CIB4: variants seen among roughly 807,000 people sequenced by gnomAD.
CIB4 encodes calcium and integrin-binding family member 4.
A neutral mutation model predicts 25.8 loss-of-function variants in CIB4; 25 were observed. That is an observed-to-expected ratio of 0.97 (90% CI 0.71 to 1.35). The LOEUF (loss-of-function observed/expected upper bound fraction) is 1.35, where lower values mean the gene tolerates loss of function less well. Ranked by LOEUF, CIB4 falls within the 40% of genes most tolerant of loss-of-function variation. The pLI is 0.00. For synonymous variants in CIB4, 75 were observed against 81.4 expected (o/e 0.92, Z 0.42); for missense variants, 235 against 228.2 (o/e 1.03, Z -0.19).
chr2:26,637,140 G>A (rs1158525039), intron 2 of CIB4, among the ~76,000 whole-genome samples: 1 of 152,162 alleles, frequency 6.6e-6, no homozygotes, highest in African/African-American at 2.4e-5. Context: ...CTGGGGCAGG[G>A]CAGGGGTGCC....
rs1162322198 is a variant in CIB4 at position 26,610,280 on chromosome 2, A to G, written c.187-14963T>C. 2.0e-5 allele frequency among the ~76,000 whole-genome samples: 3 copies of G among 152,298 alleles called. No individual in the cohort carries two copies. The East Asian group carries it at 5.8e-4, about 29-fold the overall frequency. On this transcript the variant is annotated intron_variant, in intron 3 of 6. Transcript: ENST00000288861. ...TTTTATCAAACACATCTAAGCAACA[A>G]TTGATCTATTTTGTCCCTCACTTTG...
chr2:26,640,087 C>A (rs1340664537), intron 2 of CIB4, among the ~76,000 whole-genome samples: 2 of 148,430 alleles, frequency 1.3e-5, no homozygotes, highest in African/African-American at 5.0e-5. Flanking sequence ...ACATCACAGG[C>A]ACCGGAGAAA....
At chr2:26,600,397 C>G (rs938925931) in intron 3 of CIB4, among the ~76,000 whole-genome samples, 5 of 152,112 alleles carry the variant, frequency 3.3e-5, no homozygotes, top group African/African-American at 1.2e-4. Flanking sequence ...GAGCAAGACT[C>G]TGACTCAAAA....
At chr2:26,606,457 G>A (rs1465986038) in intron 3 of CIB4, among the ~76,000 whole-genome samples, 1 of 152,146 alleles carries the variant, frequency 6.6e-6, no homozygotes, top group East Asian at 1.9e-4. Context: ...GCTGTTCAGG[G>A]GAATGAGAAA....
At chr2:26,637,249 G>T (rs1257050153) in intron 2 of CIB4, among the ~76,000 whole-genome samples, 1 of 152,108 alleles carries the variant, frequency 6.6e-6, no homozygotes, top group African/African-American at 2.4e-5. Flanking sequence ...GCATTTGGAG[G>T]TTCCTGAGCC....
intron 3 of CIB4, among the ~76,000 whole-genome samples, chr2:26,607,416 G>A (rs756001155): frequency 2.2e-4 from 33 of 152,182 alleles, no homozygotes; most frequent in Non-Finnish European, 4.0e-4. Flanking sequence ...AAACTTACCC[G>A]TATTGTAGAT....
chr2:26,624,974 C>T (rs1342975346), intron 3 of CIB4, among the ~76,000 whole-genome samples: 1 of 152,048 alleles, frequency 6.6e-6, no homozygotes, highest in Non-Finnish European at 1.5e-5. Context: ...CCCCATTCTC[C>T]ACGATGTGCT....
intron 1 of CIB4, 117 bp from the exon 2 acceptor site, chr2:26,640,684 G>T: frequency 9.0e-7 from 1 of 1,113,916 alleles, no homozygotes; most frequent in South Asian, 1.5e-5. Context: ...CTGCACAGCT[G>T]GGGGAACCCC....
chr2:26,597,594 A>C (rs1268114188), intron 3 of CIB4, among the ~76,000 whole-genome samples: 1 of 152,206 alleles, frequency 6.6e-6, no homozygotes, highest in African/African-American at 2.4e-5. Context: ...ATCTTACTAT[A>C]TCCATTAAAG....
chr2:26,587,461 A>G (rs924393859), intron 4 of CIB4, among the ~76,000 whole-genome samples: 2 of 152,126 alleles, frequency 1.3e-5, no homozygotes, highest in African/African-American at 4.8e-5. Context: ...ACCAAATTTA[A>G]TCCTAATTCA....
At chr2:26,625,414 G>A (rs532311776) in intron 3 of CIB4, among the ~76,000 whole-genome samples, 45 of 144,976 alleles carry the variant, frequency 3.1e-4, no homozygotes, top group African/African-American at 1.0e-3. Context: ...GTGCAATGGC[G>A]CAATCTCAGC....
At chr2:26,616,643 C>T (rs1381256874) in intron 3 of CIB4, among the ~76,000 whole-genome samples, 1 of 152,210 alleles carries the variant, frequency 6.6e-6, no homozygotes, top group East Asian at 1.9e-4. Flanking sequence ...CCAAGACAGA[C>T]ACTCCACAGG....
At chr2:26,594,258 G>A (rs147257850) in intron 4 of CIB4, among the ~76,000 whole-genome samples, 4 of 152,282 alleles carry the variant, frequency 2.6e-5, no homozygotes, top group African/African-American at 9.6e-5. Context: ...ATTCTCAGGA[G>A]GGGACTCTGT....
chr2:26,638,560 C>G (rs558883240), intron 2 of CIB4, among the ~76,000 whole-genome samples: 1 of 152,248 alleles, frequency 6.6e-6, no homozygotes, highest in Admixed American at 6.5e-5. Context: ...ATTTGAAGCC[C>G]CTGGGTTAGA....
At chr2:26,612,398 T>C (rs1669012028) in intron 3 of CIB4, among the ~76,000 whole-genome samples, 1 of 152,190 alleles carries the variant, frequency 6.6e-6, no homozygotes, top group Non-Finnish European at 1.5e-5. Flanking sequence ...CAAAGATGGG[T>C]AACTAGGATG....
At chr2:26,601,865 A>C (rs969510535) in intron 3 of CIB4, among the ~76,000 whole-genome samples, 2 of 152,344 alleles carry the variant, frequency 1.3e-5, no homozygotes, top group African/African-American at 4.8e-5. Flanking sequence ...TCTTCAATGC[A>C]TTTTGCTAAA....
intron 2 of CIB4, among the ~76,000 whole-genome samples, chr2:26,632,744 T>G: frequency 2.2e-5 from 3 of 134,018 alleles, no homozygotes; most frequent in Admixed American, 7.9e-5. Context: ...GGCGACAGAG[T>G]GAGACTCCAT....
In CIB4 at chr2:26,589,036, T is replaced by TTCTTCTTCTTCC. The variant is rs1668517207; in HGVS notation, c.329-5139_329-5138insGGAAGAAGAAGA. On this transcript the variant is annotated intron_variant, in intron 4 of 6. Transcript: ENST00000288861. Reference sequence around the variant, plus strand: ...CTTCTTCTTCTTCTTCTTCTTCTTCTTCTTCTTCTTCTTCTTCTTCTTCCT... The same window carrying TTCTTCTTCTTCC: ...CTTCTTCTTCTTCTTCTTCTTCTTCTTCTTCTTCTTCCTCTTCTTCTTCTTCTTCTTCTTCCT... 9.3e-5 allele frequency among the ~76,000 whole-genome samples: 4 copies of TTCTTCTTCTTCC among 43,050 alleles called. 1 individual carries two copies. The South Asian group carries it at 3.6e-3, about 39-fold the overall frequency. The allele number at this position is 43,050 out of a possible 152,430, so 28.2% of individuals were successfully genotyped here. A position where few individuals can be genotyped will look rare whatever the true frequency, so the allele number is the denominator to read the frequency against.
intron 3 of CIB4, among the ~76,000 whole-genome samples, chr2:26,619,085 C>T (rs1265758167): frequency 6.6e-6 from 1 of 152,228 alleles, no homozygotes; most frequent in African/African-American, 2.4e-5. Flanking sequence ...GCAGTAAAGG[C>T]ATAGTCACTT....
Sources: gnomAD v4.1 joint callset for allele counts (sites outside exome capture counted in the v4.1 genomes callset) on GRCh38, gnomAD v4.1.1 for gene constraint, MANE v1.5 for transcripts, NCBI Gene and HGNC (gene_info 2026-07-23, HGNC 2026-07-21) for gene names.